The following NCKAP5L variants were observed in gnomAD, a reference collection of about 807,000 sequenced individuals.
NCKAP5L encodes nck-associated protein 5-like.
NCKAP5L carries 54 observed loss-of-function variants against 103.2 expected under a neutral mutation model. The ratio of observed to expected loss-of-function variants is 0.52; its 90% CI spans 0.42 to 0.66. NCKAP5L has a LOEUF of 0.66. Among genes scored for constraint, NCKAP5L ranks in the 30% least tolerant of loss-of-function variants. The pLI is 0.00. For missense variants in NCKAP5L, 1,733 were observed against 1,750.6 expected (o/e 0.99, Z 0.18); for synonymous variants, 762 against 748.6 (o/e 1.02, Z -0.29).
At position 49,798,455 on chromosome 12, in the gene NCKAP5L, G is replaced by C; in HGVS notation, c.360C>G (p.Leu120=). The C allele has an allele frequency of 6.3e-7, 1 of 1,575,932 alleles. No individual in the cohort carries two copies. The highest frequency in any genetic ancestry group is 8.6e-7 in the Non-Finnish European group (1 of 1,160,598). The change falls in exon 7 of 13, where the codon CTC becomes CTG. Residue 120 remains leucine, a synonymous_variant. Transcript: ENST00000335999. ...LTTGSLPQIP[L]TPLQPPSEPP... is the part of the protein sequence containing the mutation. Reference sequence around the variant, plus strand: ...GCTCTGATGGTGGCTGGAGTGGAGTGAGTGGGATCTGCAGAGGGAGAGGCA... The same window carrying C: ...GCTCTGATGGTGGCTGGAGTGGAGTCAGTGGGATCTGCAGAGGGAGAGGCA...
In NCKAP5L at chr12:49,797,190, G is replaced by C; in HGVS notation, c.670C>G (p.Pro224Ala). The stretch of plus-strand genomic sequence containing the variant: ...GGGCCACACAGCTCGCCGTTGATGG[G>C]CTCTGGGGAGCCAGGCCCCTGGCCT... The part of the protein sequence containing the change: ...PPGQGPGSPE[P>A]INGELCGPPQ... Residue 224 changes from proline to alanine, a missense_variant, in exon 8 of 13, where the codon CCC becomes GCC. Coordinates refer to ENST00000335999, the MANE Select transcript of NCKAP5L (RefSeq NM_001037806.4). This position sits in a 1 kb window ranked among gnomAD's most constrained non-coding sequence, Gnocchi z 4.5. 3 of 1,612,766 alleles carry C rather than the reference G, an allele frequency of 1.9e-6. No individual in the cohort carries two copies. Among genetic ancestry groups the C allele is most frequent in the Non-Finnish European group, 2.5e-6 (3 of 1,179,616 alleles).
intron 7 of NCKAP5L, among the ~76,000 whole-genome samples, chr12:49,798,009 C>A (rs938160486): frequency 3.3e-5 from 5 of 152,142 alleles, no homozygotes; most frequent in Admixed American, 2.6e-4. Context: ...ATTGATAGGG[C>A]CTTCAAGTTA....
intron 1 of NCKAP5L, among the ~76,000 whole-genome samples, chr12:49,814,433 G>A (rs1054420753): frequency 2.7e-5 from 4 of 148,816 alleles, no homozygotes. Flanking sequence ...GCAGTGAGCC[G>A]AGATAGTGCC....
At chr12:49,793,538 G>A in intron 9 of NCKAP5L, 105 bp from the exon 10 acceptor site, 1 of 1,319,642 alleles carries the variant, frequency 7.6e-7, no homozygotes, top group Non-Finnish European at 1.1e-6. Context: ...GAGAGTATGA[G>A]GATTAGGGCC....
Position 49,801,897 on chromosome 12 carries a change from C to T in NCKAP5L, c.302G>A (p.Ser101Asn), listed in dbSNP as rs762242686. The T allele has an allele frequency of 2.5e-6, 4 of 1,613,872 alleles. No individual in the cohort carries two copies. The highest frequency in any genetic ancestry group is 1.7e-5 in the Admixed American group (1 of 59,998). ...CTGGAGTTTCTGCTGAAACAGGGCA[C>T]TCAGCATCTGGTTCTGCCGTTCCAG... ...FDLERQNQML[S>N]ALFQQKLQLT... Residue 101 changes from serine (S) to asparagine (N), a missense_variant, in exon 6 of 13, where the codon AGT becomes AAT. Ser to Asn is a conservative substitution (Grantham distance 46, BLOSUM62 1). Transcript: ENST00000335999.
chr12:49,803,209 G>C, intron 3 of NCKAP5L, 44 bp from the exon 4 acceptor site: 3 of 1,600,626 alleles, frequency 1.9e-6, no homozygotes, highest in Non-Finnish European at 2.6e-6. Flanking sequence ...TGGCTTTGGG[G>C]ATTATTCTTC....
chr12:49,816,495 C>CAAAAAAAAAAAA lies in NCKAP5L; in HGVS notation c.-98-10466_-98-10455dup, dbSNP rs1163941989. On this transcript the variant is annotated intron_variant, in intron 1 of 12. Transcript: ENST00000335999. ...ACCCTTTCAAAGTTCTCAACCCTCT[C>CAAAAAAAAAAAA]AAAAAAAAAAAAAAAAAAAAAAGGC... Among the ~76,000 whole-genome samples, 22 of 49,430 alleles carry CAAAAAAAAAAAA rather than the reference C, an allele frequency of 4.5e-4. 3 individuals carry two copies. The highest frequency in any genetic ancestry group is 1.5e-3 in the African/African-American group (19 of 13,054). 32.4% of individuals were successfully genotyped at this position (49,430 alleles called of 152,430 possible). A position where few individuals can be genotyped will look rare whatever the true frequency, so the allele number is the denominator to read the frequency against.
At chr12:49,810,320 G>A (rs578174144) in intron 1 of NCKAP5L, among the ~76,000 whole-genome samples, 1 of 152,316 alleles carries the variant, frequency 6.6e-6, no homozygotes, top group South Asian at 2.1e-4. Context: ...TAGCCCAGCC[G>A]AGGGTACTGG....
At chr12:49,813,104 G>A (rs1030533170) in intron 1 of NCKAP5L, among the ~76,000 whole-genome samples, 2 of 152,196 alleles carry the variant, frequency 1.3e-5, no homozygotes, top group Non-Finnish European at 2.9e-5. Context: ...CCCTGCAAAT[G>A]TGGATCACTA....
chr12:49,810,732 C>T (rs1487322638), intron 1 of NCKAP5L, among the ~76,000 whole-genome samples: 1 of 152,094 alleles, frequency 6.6e-6, no homozygotes, highest in Non-Finnish European at 1.5e-5. Context: ...AGAACAATGA[C>T]TTATTATTAT....
At position 49,792,162 on chromosome 12, in the gene NCKAP5L, AG is replaced by A; in HGVS notation, c.3793-112del. The A allele has an allele frequency of 1.8e-6, 2 of 1,086,686 alleles. No individual in the cohort carries two copies. The highest frequency in any genetic ancestry group is 2.6e-6 in the Non-Finnish European group (2 of 761,844). The allele number at this position is 1,086,686 out of a possible 1,614,324, so 67.3% of individuals were successfully genotyped here. On this transcript the variant is annotated intron_variant, in intron 12 of 12. Transcript: ENST00000335999. The surrounding 1 kb of genome is among the most constrained non-coding windows in gnomAD (Gnocchi z 4.5). ...TGCACCTGATGGGGGGCTGCTCCAG[AG>A]GGGGCCCAAGGTGGGGTATACTTCA...
Position 49,821,636 on chromosome 12 carries a change from T to G in NCKAP5L, c.-99+6686A>C, listed in dbSNP as rs142617647. On this transcript the variant is annotated intron_variant, in intron 1 of 12. Transcript: ENST00000335999. ...GGCAGGTCCTTGGAGCACTTGCTCT[T>G]ATAGCACATGTCCTTTCTTTGCAAC... 9.2e-3 allele frequency among the ~76,000 whole-genome samples: 1,405 copies of G among 152,366 alleles called. 11 individuals carry two copies. The highest frequency in any genetic ancestry group is 0.027 in the South Asian group (132 of 4,832).
intron 6 of NCKAP5L, among the ~76,000 whole-genome samples, chr12:49,800,109 C>T (rs1388902874): frequency 2.0e-5 from 3 of 152,224 alleles, no homozygotes; most frequent in South Asian, 2.1e-4. Flanking sequence ...GCAGAAGAAT[C>T]GCTTGAGCCC....
chr12:49,814,237 C>T (rs905908074), intron 1 of NCKAP5L, among the ~76,000 whole-genome samples: 5 of 149,828 alleles, frequency 3.3e-5, no homozygotes, highest in South Asian at 2.1e-4. Context: ...GTAACCCCAG[C>T]GCTTTGGGAG....
intron 1 of NCKAP5L, among the ~76,000 whole-genome samples, chr12:49,824,134 A>G (rs1357110721): frequency 6.6e-6 from 1 of 152,208 alleles, no homozygotes; most frequent in East Asian, 1.9e-4. Flanking sequence ...CCTAGGCTGC[A>G]GCAGGGCCTG....
chr12:49,804,966 G>A (rs542248647), intron 2 of NCKAP5L: 1 of 152,402 alleles, frequency 6.6e-6, no homozygotes, highest in African/African-American at 2.4e-5. Flanking sequence ...GACAAAGTGG[G>A]AAGTGCCCTG....
chr12:49,823,781 A>T (rs1946386459), intron 1 of NCKAP5L, among the ~76,000 whole-genome samples: 1 of 152,208 alleles, frequency 6.6e-6, no homozygotes, highest in African/African-American at 2.4e-5. Flanking sequence ...TAATAACAGC[A>T]ACAATAATTC....
rs1389473543 is a variant in NCKAP5L, at chr12:49,791,617, A to G, written c.*222T>C. 4.4e-6 allele frequency: 2 copies of G among 449,994 alleles called. No individual in the cohort carries two copies. The highest frequency in any genetic ancestry group is 7.8e-6 in the Non-Finnish European group (2 of 255,020). 27.9% of individuals were successfully genotyped at this position (449,994 alleles called of 1,614,324 possible). Reference sequence around the variant, plus strand: ...GGAAGAGCCTTACTCTGGGTGAGAGAAGGGACCAAGGGCGGGGTCTCTCCC... The same window carrying G: ...GGAAGAGCCTTACTCTGGGTGAGAGGAGGGACCAAGGGCGGGGTCTCTCCC... On this transcript the variant is annotated 3_prime_UTR_variant, in exon 13 of 13. Coordinates refer to ENST00000335999, the MANE Select transcript of NCKAP5L (RefSeq NM_001037806.4).
chr12:49,794,605 A>ACCC (rs1555147580), intron 8 of NCKAP5L, among the ~76,000 whole-genome samples, 160 bp downstream of exon 8: 12,769 of 113,838 alleles, frequency 0.11, 1,314 homozygotes, highest in East Asian at 0.34. Flanking sequence ...CAAGTCACTG[A>ACCC]CCCCCCCACC....
Sources: gnomAD v4.1 joint callset for allele counts (sites outside exome capture counted in the v4.1 genomes callset) on GRCh38, gnomAD v4.1.1 for gene constraint, Gnocchi (gnomAD v3.1) non-coding constraint, MANE v1.5 for transcripts, NCBI Gene and HGNC (gene_info 2026-07-23, HGNC 2026-07-21) for gene names.